The following ERC2 variants were observed in gnomAD, a reference collection of about 807,000 sequenced individuals.
The protein encoded by ERC2 is ELKS/RAB6-interacting/CAST family member 2.
Under a neutral mutation model 114.8 loss-of-function variants are expected in ERC2, and 42 were observed. That is an observed-to-expected ratio of 0.37 (90% confidence interval 0.29 to 0.47). The LOEUF (loss-of-function observed/expected upper bound fraction) is 0.47. Among genes scored for constraint, ERC2 ranks in the 20% least tolerant of loss-of-function variants. The pLI, the probability that ERC2 is intolerant of heterozygous loss-of-function variation, is 0.99. For missense variants in ERC2, 939 were observed against 1,150.7 expected (o/e 0.82, Z 2.66); for synonymous variants, 454 against 425.5 (o/e 1.07, Z -0.82).
intron 3 of ERC2, among the ~76,000 whole-genome samples, chr3:56,180,945 C>T (rs1239060840): frequency 6.6e-6 from 1 of 152,140 alleles, no homozygotes; most frequent in Non-Finnish European, 1.5e-5. Flanking sequence ...TGTTTTTGTG[C>T]TTTCATTATG....
chr3:55,765,516 C>G (rs905137825), intron 14 of ERC2, among the ~76,000 whole-genome samples: 1 of 152,192 alleles, frequency 6.6e-6, no homozygotes, highest in African/African-American at 2.4e-5. Context: ...GTAGCATGTG[C>G]AACTATTGTT....
chr3:55,621,495 C>T (rs115847745), intron 17 of ERC2, among the ~76,000 whole-genome samples: 208 of 152,286 alleles, frequency 1.4e-3, no homozygotes, highest in African/African-American at 4.7e-3. Context: ...CCCCTCCTGC[C>T]GTTTCTTCTT....
At chr3:56,380,838 A>C (rs751057480) in intron 2 of ERC2, among the ~76,000 whole-genome samples, 2 of 152,200 alleles carry the variant, frequency 1.3e-5, no homozygotes, top group Non-Finnish European at 2.9e-5. Context: ...CTATTTTTGT[A>C]TGTGAAAATT....
chr3:55,971,577 C>T (rs368882285), intron 12 of ERC2, among the ~76,000 whole-genome samples: 3 of 152,178 alleles, frequency 2.0e-5, no homozygotes, highest in African/African-American at 7.2e-5. Context: ...TCTTGGACAT[C>T]TTTCCATGTC....
At chr3:56,179,483 T>G (rs774579799) in intron 3 of ERC2, among the ~76,000 whole-genome samples, 2 of 152,104 alleles carry the variant, frequency 1.3e-5, no homozygotes, top group East Asian at 3.9e-4. Context: ...GGGGTGGTGG[T>G]GATAAGGACA....
chr3:56,245,042 T>C (rs2051587349), intron 3 of ERC2, among the ~76,000 whole-genome samples: 2 of 152,184 alleles, frequency 1.3e-5, no homozygotes, highest in Non-Finnish European at 2.9e-5. Flanking sequence ...GTTTGTAGCA[T>C]ATTGCATAGC....
intron 14 of ERC2, among the ~76,000 whole-genome samples, chr3:55,825,124 C>G (rs1464743897): frequency 6.6e-6 from 1 of 152,142 alleles, no homozygotes; most frequent in Admixed American, 6.5e-5. Context: ...GGGAGTACCA[C>G]AGGGCAAGAA....
chr3:56,026,057 CTTTTTTTTTTTTTTTTT>C, intron 7 of ERC2, among the ~76,000 whole-genome samples: 1 of 69,194 alleles, frequency 1.4e-5, no homozygotes, highest in African/African-American at 5.7e-5. Flanking sequence ...CCGTTTCTTT[CTTTTTTTTTTTTTTTTT>C]TTTTTTTTCG....
intron 17 of ERC2, among the ~76,000 whole-genome samples, chr3:55,554,728 C>A (rs376256022): frequency 6.6e-6 from 1 of 152,168 alleles, no homozygotes; most frequent in Non-Finnish European, 1.5e-5. Context: ...TCCCTTCCCC[C>A]CTCCCCCCTT....
rs10560997 is a variant in ERC2 at position 55,920,415 on chromosome 3, AACACACACACAC to A, written c.2403+29998_2403+30009del. 6.1e-5 allele frequency among the ~76,000 whole-genome samples: 9 copies of A among 146,830 alleles called. No homozygotes were observed. The South Asian group carries it at 6.5e-4, about 11-fold the overall frequency. On this transcript the variant is annotated intron_variant, in intron 13 of 17. Transcript: ENST00000288221. ...TTACACATACACACAGGCACACTAA[AACACACACACAC>A]ACACACACACACACACACACCCCAA...
At chr3:55,833,209 C>T (rs1453577253) in intron 14 of ERC2, among the ~76,000 whole-genome samples, 1 of 150,324 alleles carries the variant, frequency 6.7e-6, no homozygotes, top group Non-Finnish European at 1.5e-5. Context: ...AGGAGAACTT[C>T]CCTAATCTAG....
intron 1 of ERC2, among the ~76,000 whole-genome samples, chr3:56,448,377 T>C (rs2062677308): frequency 6.6e-6 from 1 of 152,136 alleles, no homozygotes; most frequent in Admixed American, 6.5e-5. Context: ...GTAAACAAAA[T>C]ACATTCTACC....
chr3:56,193,320 C>T (rs191671298), intron 3 of ERC2, among the ~76,000 whole-genome samples: 136 of 152,188 alleles, frequency 8.9e-4, no homozygotes, highest in Non-Finnish European at 1.4e-3. Flanking sequence ...TCAGCCTGGC[C>T]AACATGGCAA....
chr3:56,032,917 A>AG, intron 7 of ERC2, among the ~76,000 whole-genome samples: 1 of 76,042 alleles, frequency 1.3e-5, no homozygotes, highest in African/African-American at 4.1e-5. Context: ...GAAAGAAAGA[A>AG]AGAAAGAAAG....
intron 14 of ERC2, among the ~76,000 whole-genome samples, chr3:55,789,939 T>C (rs1208998731): frequency 6.6e-6 from 1 of 152,192 alleles, no homozygotes; most frequent in African/African-American, 2.4e-5. Context: ...ATTGGACAGA[T>C]GTAAGGCCAC....
intron 15 of ERC2, among the ~76,000 whole-genome samples, chr3:55,715,801 A>G (rs1236865603): frequency 6.6e-6 from 1 of 152,192 alleles, no homozygotes. Flanking sequence ...CTGAAGCTTT[A>G]TAGGACATTT....
At chr3:55,702,915 T>C (rs1407753857) in intron 15 of ERC2, among the ~76,000 whole-genome samples, 2 of 152,234 alleles carry the variant, frequency 1.3e-5, no homozygotes, top group Non-Finnish European at 2.9e-5. Context: ...GGGACTCATT[T>C]AGCGATTCAC....
At chr3:56,155,363 G>GA (rs201714845) in intron 4 of ERC2, among the ~76,000 whole-genome samples, 6,470 of 74,854 alleles carry the variant, frequency 0.086, 148 homozygotes, top group Middle Eastern at 0.2. Flanking sequence ...TAAGGAAAAT[G>GA]AAAAAAAAAA....
intron 14 of ERC2, among the ~76,000 whole-genome samples, chr3:55,807,338 G>A (rs1050093399): frequency 1.3e-5 from 2 of 152,082 alleles, no homozygotes; most frequent in African/African-American, 4.8e-5. Flanking sequence ...GTTGATTTCT[G>A]GGCCTGGGAT....
Sources: gnomAD v4.1 joint callset for allele counts (sites outside exome capture counted in the v4.1 genomes callset) on GRCh38, gnomAD v4.1.1 for gene constraint, MANE v1.5 for transcripts, NCBI Gene and HGNC (gene_info 2026-07-23, HGNC 2026-07-21) for gene names.